The following ZNF644 variants were observed in gnomAD, a reference collection of about 807,000 sequenced individuals.
ZNF644 encodes the protein zinc finger protein 644.
In ZNF644, 20 loss-of-function variants were observed where a neutral mutation model predicts 108.0. The ratio of observed to expected loss-of-function variants is 0.19; its 90% CI spans 0.13 to 0.27. The LOEUF (loss-of-function observed/expected upper bound fraction) is 0.27. Ranked by LOEUF, ZNF644 falls within the 10% of genes least tolerant of loss-of-function variation. The pLI is 1.00. For synonymous variants in ZNF644, 542 were observed against 539.1 expected (o/e 1.01, Z -0.08); for missense variants, 1,338 against 1,548.9 (o/e 0.86, Z 2.29).
intron 2 of ZNF644, among the ~76,000 whole-genome samples, chr1:90,953,543 A>C (rs1202639990): frequency 6.6e-6 from 1 of 152,140 alleles, no homozygotes; most frequent in East Asian, 1.9e-4. Flanking sequence ...AAAAAAAAAA[A>C]AGTTATGTTT....
At chr1:90,933,869 T>G (rs1408123560) in intron 4 of ZNF644, among the ~76,000 whole-genome samples, 1 of 152,202 alleles carries the variant, frequency 6.6e-6, no homozygotes, top group African/African-American at 2.4e-5. Flanking sequence ...TGTGTAAGTT[T>G]GAGCAAATTA....
intron 2 of ZNF644, among the ~76,000 whole-genome samples, chr1:90,952,680 G>A (rs978224016): frequency 2.0e-5 from 3 of 152,044 alleles, no homozygotes; most frequent in African/African-American, 7.2e-5. Flanking sequence ...GAGACAAAAG[G>A]ATGGAAAACA....
At position 90,938,697 on chromosome 1, in the gene ZNF644, T is replaced by C. The variant is rs1651611559; in HGVS notation, c.2657A>G (p.His886Arg). ...CTTAAATAAAGGGAATAAATTTACA[T>C]GCTCTTGATTAATATCACTATAGGT... ...DETYSDINQEHVNLFPLFKSK... is the reference protein window; with the variant it reads ...DETYSDINQERVNLFPLFKSK... Residue 886 changes from histidine to arginine, a missense_variant, in exon 3 of 6, where the codon CAT (histidine) becomes CGT (arginine). By Grantham distance (29) the His-to-Arg change is conservative (BLOSUM62 0). Coordinates refer to ENST00000337393, the MANE Select transcript of ZNF644 (RefSeq NM_201269.3). This position sits in a 1 kb window ranked among gnomAD's most constrained non-coding sequence, Gnocchi z 4.2. 6.2e-7 allele frequency: 1 copy of C among 1,612,756 alleles called. No individual in the cohort carries two copies. Among genetic ancestry groups the C allele is most frequent in the Non-Finnish European group, 8.5e-7 (1 of 1,179,694 alleles).
intron 2 of ZNF644, among the ~76,000 whole-genome samples, chr1:90,954,661 C>A (rs1653560586): frequency 6.6e-6 from 1 of 152,184 alleles, no homozygotes; most frequent in Admixed American, 6.5e-5. Context: ...CCTGCCTTGG[C>A]CTCCCAAAGT....
intron 2 of ZNF644, among the ~76,000 whole-genome samples, chr1:90,966,636 GC>G (rs922522284): frequency 2.0e-5 from 3 of 151,316 alleles, no homozygotes; most frequent in Admixed American, 6.6e-5. Flanking sequence ...TGTAGTTCCA[GC>G]TACTTGGGAG....
At chr1:90,982,217 G>T in intron 2 of ZNF644, 93 bp downstream of exon 2, 2 of 1,027,598 alleles carry the variant, frequency 1.9e-6, no homozygotes, top group Non-Finnish European at 3.0e-6. Flanking sequence ...AAAACTCTTT[G>T]GTTCTGAACT....
intron 2 of ZNF644, among the ~76,000 whole-genome samples, chr1:90,954,902 C>T (rs1429142847): frequency 6.6e-6 from 1 of 152,182 alleles, no homozygotes; most frequent in African/African-American, 2.4e-5. Flanking sequence ...AATAGCTAAT[C>T]CTTTCCAGAA....
At chr1:90,928,000 C>T (rs1450464616) in intron 4 of ZNF644, among the ~76,000 whole-genome samples, 4 of 151,856 alleles carry the variant, frequency 2.6e-5, no homozygotes, top group Admixed American at 6.6e-5. Context: ...CCCACCACCA[C>T]GCCTGGCTAC....
intron 1 of ZNF644, among the ~76,000 whole-genome samples, chr1:90,999,547 T>C (rs555718755): frequency 1.3e-5 from 2 of 152,136 alleles, no homozygotes; most frequent in South Asian, 2.1e-4. Context: ...GCACTAAACA[T>C]GGAAAGGAAC....
chr1:90,942,576 T>C (rs1482091152), intron 2 of ZNF644, among the ~76,000 whole-genome samples: 1 of 152,200 alleles, frequency 6.6e-6, no homozygotes, highest in South Asian at 2.1e-4. Context: ...TGAATAAGTA[T>C]TGGATTAATA....
At chr1:90,965,342 G>A (rs969662677) in intron 2 of ZNF644, among the ~76,000 whole-genome samples, 1 of 151,892 alleles carries the variant, frequency 6.6e-6, no homozygotes, top group African/African-American at 2.4e-5. Flanking sequence ...TCTTCACATC[G>A]TCTTCCTTCT....
intron 2 of ZNF644, among the ~76,000 whole-genome samples, chr1:90,981,956 A>G (rs1384942728): frequency 6.6e-6 from 1 of 152,124 alleles, no homozygotes; most frequent in Non-Finnish European, 1.5e-5. Flanking sequence ...GGAGAGAACA[A>G]TGAAGTGACA....
Position 90,916,641 on chromosome 1 carries a change from GTT to G in ZNF644, c.*155_*156del, listed in dbSNP as rs1162548789. ...ATATAAAATATATAGACTACTTACT[GTT>G]TTAAGTATTCAATTTGCTCTGATGT... On this transcript the variant is annotated 3_prime_UTR_variant, in exon 6 of 6. Transcript: ENST00000337393. 1.3e-6 allele frequency: 1 copy of G among 760,812 alleles called. No individual in the cohort carries two copies. The highest frequency in any genetic ancestry group is 2.4e-5 in the Admixed American group (1 of 41,512). The allele number at this position is 760,812 out of a possible 1,614,324, so 47.1% of individuals were successfully genotyped here.
intron 4 of ZNF644, among the ~76,000 whole-genome samples, chr1:90,936,464 C>A (rs1350766419): frequency 1.3e-5 from 2 of 152,146 alleles, no homozygotes; most frequent in Non-Finnish European, 2.9e-5. Context: ...GCTTTCCAGA[C>A]CACTTACAAT....
Position 90,940,394 on chromosome 1 carries a change from C to A in ZNF644, c.960G>T (p.Met320Ile). Residue 320 changes from methionine (M) to isoleucine (I), a missense_variant, in exon 3 of 6, where the codon ATG becomes ATT. Transcript: ENST00000337393. ...DSNCVPNKSKMQEVDFLEQNE... is the reference protein window; with the variant it reads ...DSNCVPNKSKIQEVDFLEQNE... Reference sequence around the variant, plus strand: ...TTTGTTCTAGAAAGTCTACTTCTTGCATTTTTGATTTATTGGGTACACAAT... The same window carrying A: ...TTTGTTCTAGAAAGTCTACTTCTTGAATTTTTGATTTATTGGGTACACAAT... 6.2e-7 allele frequency: 1 copy of A among 1,613,648 alleles called. No individual in the cohort carries two copies. The highest frequency in any genetic ancestry group is 8.5e-7 in the Non-Finnish European group (1 of 1,179,936).
chr1:90,986,193 A>G (rs1448006582), intron 1 of ZNF644, among the ~76,000 whole-genome samples: 1 of 152,114 alleles, frequency 6.6e-6, no homozygotes, highest in African/African-American at 2.4e-5. Context: ...AATGTCAAGT[A>G]TAACACATCC....
At chr1:90,999,025 A>C (rs1047887327) in intron 1 of ZNF644, among the ~76,000 whole-genome samples, 2 of 152,256 alleles carry the variant, frequency 1.3e-5, no homozygotes, top group Non-Finnish European at 2.9e-5. Context: ...CAAAGCCTTC[A>C]GGAAATATGG....
At chr1:90,918,876 C>T (rs767930453) in intron 4 of ZNF644, among the ~76,000 whole-genome samples, 41 of 151,812 alleles carry the variant, frequency 2.7e-4, no homozygotes, top group Non-Finnish European at 5.0e-4. Context: ...TATTATCTCA[C>T]GTAAGTTTAC....
At chr1:90,975,718 A>G (rs898276827) in intron 2 of ZNF644, among the ~76,000 whole-genome samples, 2 of 152,186 alleles carry the variant, frequency 1.3e-5, no homozygotes, top group Non-Finnish European at 2.9e-5. Flanking sequence ...TGCTGGGATT[A>G]CAGGTGTGAG....
Sources: allele counts gnomAD v4.1 joint callset (sites outside exome capture counted in the v4.1 genomes callset), GRCh38; gene constraint gnomAD v4.1.1; non-coding constraint Gnocchi (gnomAD v3.1); transcripts MANE v1.5; gene names NCBI Gene and HGNC (gene_info 2026-07-23, HGNC 2026-07-21).